RIPK1: variants seen among roughly 807,000 people sequenced by gnomAD.
The protein encoded by RIPK1 is receptor interacting serine/threonine kinase 1.
A neutral mutation model predicts 62.4 loss-of-function variants in RIPK1; 27 were observed. The ratio of observed to expected loss-of-function variants is 0.43; its 90% CI spans 0.32 to 0.60. The LOEUF is 0.60. Ranked by LOEUF, RIPK1 falls within the 20% of genes least tolerant of loss-of-function variation. The pLI, the probability that RIPK1 is intolerant of heterozygous loss-of-function variation, is 0.07. For synonymous variants in RIPK1, 287 were observed against 303.2 expected (o/e 0.95, Z 0.55); for missense variants, 735 against 831.0 (o/e 0.88, Z 1.42).
chr6:3,096,807 T>C (rs6596948), intron 7 of RIPK1, among the ~76,000 whole-genome samples: 22,656 of 151,200 alleles, frequency 0.15, 4,491 homozygotes, highest in African/African-American at 0.46. Flanking sequence ...GATCTGCCCG[T>C]CTCAGCCTCC....
chr6:3,096,705 G>A (rs1188666443), intron 7 of RIPK1, among the ~76,000 whole-genome samples: 2 of 149,216 alleles, frequency 1.3e-5, no homozygotes, highest in Admixed American at 1.3e-4. Context: ...GACTACAGGC[G>A]CCCACCACCA....
At chr6:3,106,415 A>T (rs1268947009) in intron 9 of RIPK1, among the ~76,000 whole-genome samples, 1 of 152,246 alleles carries the variant, frequency 6.6e-6, no homozygotes, top group African/African-American at 2.4e-5. Context: ...GTAAGAAATC[A>T]GTCTTGGATA....
chr6:3,105,558 T>A lies in RIPK1; in HGVS notation c.1083T>A (p.Pro361=). The change falls in exon 9 of 11, where the codon CCT becomes CCA. Residue 361 remains proline (P), a synonymous_variant. Coordinates refer to ENST00000259808, the MANE Select transcript of RIPK1 (RefSeq NM_001354930.2). This position sits in a 1 kb window ranked among gnomAD's most constrained non-coding sequence, Gnocchi z 4.5. ...MGPVEESWFA[P]SLEHPQEENE... ...CTGTGGAGGAGTCCTGGTTTGCTCC[T>A]TCCCTGGAGCACCCACAAGAAGAGA... 6.2e-7 allele frequency: 1 copy of A among 1,612,040 alleles called. No individual in the cohort carries two copies.
At chr6:3,112,985 C>A in intron 10 of RIPK1, 68 bp from the exon 11 acceptor site, 1 of 1,370,036 alleles carries the variant, frequency 7.3e-7, no homozygotes, top group Non-Finnish European at 9.8e-7. Flanking sequence ...GGTTTTTTAG[C>A]AATTCAGGAA....
intron 6 of RIPK1, among the ~76,000 whole-genome samples, chr6:3,086,403 C>T (rs17513102): frequency 3.3e-5 from 5 of 152,322 alleles, no homozygotes; most frequent in Non-Finnish European, 5.9e-5. Context: ...ATTTTATGTT[C>T]GGTGTCCGAG....
At chr6:3,088,568 C>G (rs1185069156) in intron 6 of RIPK1, 4 of 152,342 alleles carry the variant, frequency 2.6e-5, no homozygotes, top group African/African-American at 9.7e-5. Flanking sequence ...CTGACATTAC[C>G]CCGGTGGGGG....
chr6:3,090,792 A>G (rs12110718), intron 7 of RIPK1, among the ~76,000 whole-genome samples: 1,636 of 98,950 alleles, frequency 0.017, 18 homozygotes, highest in Middle Eastern at 0.028. Context: ...GTAACCGCAG[A>G]GCGCCTACCT....
rs1317516293 is a variant in RIPK1 at position 3,077,764 on chromosome 6, C to T, written c.165-15C>T. 3.1e-6 allele frequency: 5 copies of T among 1,613,542 alleles called. No homozygotes were observed. The South Asian group carries it at 5.5e-5, about 18-fold the overall frequency. On this transcript the variant is annotated splice_polypyrimidine_tract_variant and intron_variant, in intron 2 of 10. Transcript: ENST00000259808. ...GGCTCTGCCAGCCTCAGCATAGCAC[C>T]TTTCCTGCCCACAGGCACAACGAGG...
At chr6:3,085,201 C>G in intron 5 of RIPK1, 58 bp from the exon 6 acceptor site, 2 of 1,598,152 alleles carry the variant, frequency 1.3e-6, no homozygotes, top group Non-Finnish European at 1.7e-6. Context: ...TGTTCAAGTT[C>G]TGTCACCTTC....
At chr6:3,066,739 A>G (rs1205778879), upstream of RIPK1, among the ~76,000 whole-genome samples, 1 of 152,202 alleles carries the variant, frequency 6.6e-6, no homozygotes, top group African/African-American at 2.4e-5. Flanking sequence ...ACCAATATGG[A>G]TAAAACATAT....
intron 9 of RIPK1, among the ~76,000 whole-genome samples, chr6:3,107,814 C>G (rs547640140): frequency 6.6e-6 from 1 of 152,086 alleles, no homozygotes; most frequent in South Asian, 2.1e-4. Context: ...CGTTCTGGTT[C>G]CTGGTTCTGC....
intron 3 of RIPK1, among the ~76,000 whole-genome samples, chr6:3,080,353 A>G (rs73718961): frequency 6.6e-6 from 1 of 152,242 alleles, no homozygotes; most frequent in African/African-American, 2.4e-5. Context: ...GAATACAATT[A>G]TAAGAACCAG....
At chr6:3,071,566 G>A (rs1002854477) in intron 1 of RIPK1, among the ~76,000 whole-genome samples, 7 of 152,088 alleles carry the variant, frequency 4.6e-5, no homozygotes, top group African/African-American at 1.7e-4. Flanking sequence ...CACTGTTTTT[G>A]TATATCCTTC....
intron 1 of RIPK1, among the ~76,000 whole-genome samples, chr6:3,073,188 T>C (rs1758837270): frequency 1.3e-5 from 2 of 151,452 alleles, no homozygotes; most frequent in South Asian, 2.1e-4. Context: ...ACATATACAA[T>C]ATATGCATAC....
Position 3,068,518 on chromosome 6 carries a change from G to C in RIPK1, c.-204G>C. On this transcript the variant is annotated 5_prime_UTR_variant, in exon 1 of 11. Transcript: ENST00000259808. ...CAGTCCACGCCCTCCAGCCGGGCGC[G>C]CTCGACGCGGACGGCGGGCCAGCTG... The C allele has an allele frequency of 6.1e-6, 6 of 985,260 alleles. No homozygotes were observed. The highest frequency in any genetic ancestry group is 7.2e-6 in the Non-Finnish European group (6 of 829,842). The allele number at this position is 985,260 out of a possible 1,614,324, so 61.0% of individuals were successfully genotyped here.
intron 1 of RIPK1, among the ~76,000 whole-genome samples, chr6:3,075,385 A>G (rs1285809785): frequency 6.6e-6 from 1 of 152,204 alleles, no homozygotes; most frequent in Admixed American, 6.5e-5. Flanking sequence ...GAGATCTGAC[A>G]CTGTATACTT....
At chr6:3,094,912 A>G (rs2113658044) in intron 7 of RIPK1, among the ~76,000 whole-genome samples, 1 of 152,164 alleles carries the variant, frequency 6.6e-6, no homozygotes, top group East Asian at 1.9e-4. Context: ...AATAAAATAA[A>G]AAATTAATGA....
intron 2 of RIPK1, among the ~76,000 whole-genome samples, 156 bp from the exon 3 acceptor site, chr6:3,077,623 C>T (rs146734900): frequency 1.3e-5 from 2 of 152,324 alleles, no homozygotes; most frequent in East Asian, 1.9e-4. Flanking sequence ...AGTGAGAAAC[C>T]GCTCTGCCTT....
In RIPK1 at chr6:3,071,517, AT is replaced by A. The variant is rs1358777200; in HGVS notation, c.-61+2857del. The stretch of plus-strand genomic sequence containing the variant: ...CACTCTGTGTCATGGCTTTGTAATA[AT>A]ATGGTTATGCAGTATGGCCATATAA... On this transcript the variant is annotated intron_variant, in intron 1 of 10. Coordinates refer to ENST00000259808, the MANE Select transcript of RIPK1 (RefSeq NM_001354930.2). Among the ~76,000 whole-genome samples the A allele has an allele frequency of 3.3e-5, 5 of 152,324 alleles. No homozygotes were observed. The South Asian group carries it at 1.0e-3, about 32-fold the overall frequency.
Sources: allele counts gnomAD v4.1 joint callset (sites outside exome capture counted in the v4.1 genomes callset), GRCh38; gene constraint gnomAD v4.1.1; non-coding constraint Gnocchi (gnomAD v3.1); transcripts MANE v1.5; gene names NCBI Gene and HGNC (gene_info 2026-07-23, HGNC 2026-07-21).